PCDHA11: variants seen among roughly 807,000 people sequenced by gnomAD.
The protein encoded by PCDHA11 is protocadherin alpha 11.
PCDHA11 carries 61 observed loss-of-function variants against 70.3 expected under a neutral mutation model. The observed-to-expected ratio is 0.87, with a 90% CI of 0.71 to 1.07. The LOEUF is 1.07. Among genes scored for constraint, PCDHA11 ranks in the 50% least tolerant of loss-of-function variants. The pLI is 0.00. For synonymous variants in PCDHA11, 633 were observed against 555.1 expected, an observed-to-expected ratio of 1.14 and a Z score of -1.97; for missense variants, 1,324 against 1,237.5, an observed-to-expected ratio of 1.07 and a Z score of -1.05.
chr5:140,929,226 C>T (rs782065898), intron 1 of PCDHA11: 14 of 1,613,766 alleles, frequency 8.7e-6, no homozygotes, highest in African/African-American at 5.3e-5. Flanking sequence ...ACAATGCTGC[C>T]GACCTGCGAA....
intron 1 of PCDHA11, among the ~76,000 whole-genome samples, chr5:140,895,617 G>T (rs782388218): frequency 6.6e-6 from 1 of 152,084 alleles, no homozygotes; most frequent in Non-Finnish European, 1.5e-5. Context: ...CTCATTGAGG[G>T]TGTTGTCTTT....
At position 140,870,527 on chromosome 5, in the gene PCDHA11, C is replaced by T; in HGVS notation, c.1424C>T (p.Thr475Ile). 6.2e-7 allele frequency: 1 copy of T among 1,614,236 alleles called. No homozygotes were observed. The highest frequency in any genetic ancestry group is 8.5e-7 in the Non-Finnish European group (1 of 1,180,048). The change falls in exon 1 of 4, where the codon ACA (threonine) becomes ATA (isoleucine). Residue 475 changes from threonine (T) to isoleucine (I), a missense_variant. Transcript: ENST00000398640. ...ENNPPGCHIF[T>I]VSARDADAQE... ...AACCCACCAGGCTGCCACATCTTCA[C>T]AGTGTCGGCGCGGGACGCGGACGCG...
chr5:140,933,159 A>G (rs565076666), intron 1 of PCDHA11, among the ~76,000 whole-genome samples: 67 of 152,098 alleles, frequency 4.4e-4, no homozygotes, highest in African/African-American at 1.3e-3. Flanking sequence ...TTTGTTCCCA[A>G]TTTTAATTGA....
chr5:140,928,513 A>AT (rs1563106002), intron 1 of PCDHA11: 1 of 1,614,182 alleles, frequency 6.2e-7, no homozygotes, highest in South Asian at 1.1e-5. Flanking sequence ...AACAGTGACT[A>AT]TAAACTTGTT....
intron 1 of PCDHA11, among the ~76,000 whole-genome samples, chr5:140,905,832 G>A (rs1292036271): frequency 1.3e-5 from 2 of 152,150 alleles, no homozygotes; most frequent in Non-Finnish European, 2.9e-5. Context: ...TGTATATAAA[G>A]GGGAGTTTAT....
At chr5:140,921,500 A>G (rs2080246724) in intron 1 of PCDHA11, among the ~76,000 whole-genome samples, 1 of 152,210 alleles carries the variant, frequency 6.6e-6, no homozygotes, top group Admixed American at 6.5e-5. Context: ...AGTTTATTAG[A>G]TAGTGCCTAA....
chr5:140,889,063 A>G (rs1423499022), intron 1 of PCDHA11, among the ~76,000 whole-genome samples: 2 of 151,938 alleles, frequency 1.3e-5, no homozygotes, highest in Non-Finnish European at 2.9e-5. Context: ...CTTTTAATAT[A>G]CTACTTATTT....
chr5:140,954,354 C>T lies in PCDHA11; in HGVS notation c.2392-24595C>T, dbSNP rs982671490. ...TTCTGCCTCTAGATCTTTGAGGAAT[C>T]GCCACACAGTCTCCCACAATGAGTG... is the stretch of plus-strand genomic sequence containing the variant. On this transcript the variant is annotated intron_variant, in intron 1 of 3. Transcript: ENST00000398640. Among the ~76,000 whole-genome samples the T allele has an allele frequency of 3.3e-5, 5 of 152,286 alleles. No homozygotes were observed. The East Asian group carries it at 5.8e-4, about 18-fold the overall frequency.
chr5:140,947,905 G>C (rs181055131), intron 1 of PCDHA11, among the ~76,000 whole-genome samples: 1 of 151,610 alleles, frequency 6.6e-6, no homozygotes, highest in East Asian at 1.9e-4. Flanking sequence ...GGTGAGAGCA[G>C]ACATTCTTGC....
chr5:140,883,142 G>A (rs150205860), intron 1 of PCDHA11: 1 of 1,614,004 alleles, frequency 6.2e-7, no homozygotes, highest in South Asian at 1.1e-5. Flanking sequence ...AGTGGTATAT[G>A]CATTTACCAT....
Position 140,986,130 on chromosome 5 carries a change from G to T in PCDHA11, c.2539+3567G>T, listed in dbSNP as rs150350316. ...AGATAAAGATGCCACACTCTGAAAGGATCAACAAGGGCATCACCAAGTAAT... is the reference window on the plus strand; with the variant it reads ...AGATAAAGATGCCACACTCTGAAAGTATCAACAAGGGCATCACCAAGTAAT... On this transcript the variant is annotated intron_variant, in intron 3 of 3. Coordinates refer to ENST00000398640, the MANE Select transcript of PCDHA11 (RefSeq NM_018902.5). 8.5e-5 allele frequency among the ~76,000 whole-genome samples: 13 copies of T among 152,216 alleles called. 1 individual carries two copies. The East Asian group carries it at 2.5e-3, about 29-fold the overall frequency.
chr5:140,983,005 AAAGG>A (rs1223217874), intron 3 of PCDHA11, among the ~76,000 whole-genome samples: 2 of 152,110 alleles, frequency 1.3e-5, no homozygotes, highest in African/African-American at 2.4e-5. Flanking sequence ...AAAGAAAGAA[AAAGG>A]AAGGAAGGAA....
At chr5:140,957,851 T>TG (rs2095389296) in intron 1 of PCDHA11, among the ~76,000 whole-genome samples, 1 of 136,014 alleles carries the variant, frequency 7.4e-6, no homozygotes. Flanking sequence ...AGAGTTTGTG[T>TG]ATTTTTTTTC....
intron 3 of PCDHA11, among the ~76,000 whole-genome samples, chr5:140,986,690 AAC>A (rs2097209708): frequency 6.6e-6 from 1 of 152,172 alleles, no homozygotes; most frequent in South Asian, 2.1e-4. Context: ...AAAGTTTCAA[AAC>A]ACACAGCACT....
At chr5:140,875,807 G>A in intron 1 of PCDHA11, 1 of 1,614,206 alleles carries the variant, frequency 6.2e-7, no homozygotes, top group South Asian at 1.1e-5. Flanking sequence ...ATCGTGGACA[G>A]GCCGCTGCAG....
At chr5:140,959,230 A>C (rs776449475) in intron 1 of PCDHA11, among the ~76,000 whole-genome samples, 13 of 152,092 alleles carry the variant, frequency 8.5e-5, no homozygotes, top group Non-Finnish European at 1.0e-4. Context: ...TACAAAAATT[A>C]TCTGGGCATG....
chr5:140,970,423 G>A (rs2096404787), intron 1 of PCDHA11, among the ~76,000 whole-genome samples: 1 of 151,762 alleles, frequency 6.6e-6, no homozygotes, highest in Admixed American at 6.6e-5. Context: ...AAGGTGTAGA[G>A]GCAGGTGTTA....
Position 140,869,564 on chromosome 5 carries a change from T to A in PCDHA11, c.461T>A (p.Leu154Gln). ...AAGCAATCGGACTCGCGTTTTCCAC[T>A]AGAGGGAGCTTCTGATGCTGACATT... ...ESKQSDSRFPLEGASDADIEE... is the reference protein window; with the variant it reads ...ESKQSDSRFPQEGASDADIEE... The change falls in exon 1 of 4, where the codon CTA becomes CAA. Residue 154 changes from leucine to glutamine, a missense_variant. Leu to Gln is a moderately radical substitution (Grantham distance 113). Transcript: ENST00000398640. The A allele has an allele frequency of 1.2e-6, 2 of 1,614,176 alleles. No individual in the cohort carries two copies. The highest frequency in any genetic ancestry group is 2.2e-5 in the South Asian group (2 of 91,092).
chr5:140,870,619 T>C lies in PCDHA11; in HGVS notation c.1516T>C (p.Tyr506His). Residue 506 changes from tyrosine (Y) to histidine (H), a missense_variant, in exon 1 of 4, where the codon TAC becomes CAC. Coordinates refer to ENST00000398640, the MANE Select transcript of PCDHA11 (RefSeq NM_018902.5). ...GTTGGGCGACCGCGCGCTGTCGAGC[T>C]ACGTGTCGGTGCACGCGGAGAGCGG... ...RRLGDRALSSYVSVHAESGKV... is the reference protein window; with the variant it reads ...RRLGDRALSSHVSVHAESGKV... 6.2e-7 allele frequency: 1 copy of C among 1,613,150 alleles called. No homozygotes were observed. The highest frequency in any genetic ancestry group is 1.7e-4 in the Middle Eastern group (1 of 5,826).
Sources: gnomAD v4.1 joint callset for allele counts (sites outside exome capture counted in the v4.1 genomes callset) on GRCh38, gnomAD v4.1.1 for gene constraint, MANE v1.5 for transcripts, NCBI Gene and HGNC (gene_info 2026-07-23, HGNC 2026-07-21) for gene names.